Variants in ACOT13 observed in about 807,000 individuals in gnomAD.
ACOT13 encodes the protein acyl-CoA thioesterase 13.
A neutral mutation model predicts 11.8 loss-of-function variants in ACOT13; 10 were observed. That is an observed-to-expected ratio of 0.85 (90% CI 0.53 to 1.44). ACOT13 has a LOEUF of 1.44. Ranked by LOEUF, ACOT13 falls within the 40% of genes most tolerant of loss-of-function variation. The pLI is 0.00. For missense variants in ACOT13, 172 were observed against 174.1 expected (o/e 0.99, Z 0.07); for synonymous variants, 53 against 61.0 (o/e 0.87, Z 0.61).
intron 1 of ACOT13, among the ~76,000 whole-genome samples, chr6:24,673,265 A>C (rs1778390746): frequency 6.6e-6 from 1 of 152,202 alleles, no homozygotes; most frequent in Non-Finnish European, 1.5e-5. Context: ...TTAGACCTTT[A>C]AGACAGTGTG....
In ACOT13 at chr6:24,701,845, AAGTGTTTT is replaced by A; in HGVS notation, c.*232_*239del. 2.4e-6 allele frequency: 1 copy of A among 409,160 alleles called. No homozygotes were observed. Among genetic ancestry groups the A allele is most frequent in the Non-Finnish European group, 4.3e-6 (1 of 230,952 alleles). 25.3% of individuals were successfully genotyped at this position (409,160 alleles called of 1,614,324 possible). A position where few individuals can be genotyped will look rare whatever the true frequency, so the allele number is the denominator to read the frequency against. The stretch of plus-strand genomic sequence containing the variant: ...AATTGGGTGAAAAATTCTTAGCTCA[AAGTGTTTT>A]AAAAACAGGTAAAGCAAAGAAACTA... On this transcript the variant is annotated 3_prime_UTR_variant, in exon 3 of 3. Coordinates refer to ENST00000230048, the MANE Select transcript of ACOT13 (RefSeq NM_018473.4).
At chr6:24,686,331 T>C (rs1778629749) in intron 1 of ACOT13, among the ~76,000 whole-genome samples, 1 of 152,180 alleles carries the variant, frequency 6.6e-6, no homozygotes, top group Admixed American at 6.5e-5. Flanking sequence ...ATACCTGTGT[T>C]AGTCCATTTG....
intron 1 of ACOT13, among the ~76,000 whole-genome samples, chr6:24,679,878 A>G (rs570896041): frequency 6.6e-6 from 1 of 152,328 alleles, no homozygotes; most frequent in East Asian, 1.9e-4. Flanking sequence ...ACCTAGGTCT[A>G]TTTTAATTTG....
rs970268874 is a variant in ACOT13, at chr6:24,704,298, A to G, written c.*2683A>G. ...GGGTAAAGATTACACAACAGCTTTC[A>G]TATTACTCTGGTAACTTTTCTAAAT... On this transcript the variant is annotated 3_prime_UTR_variant, in exon 3 of 3. Transcript: ENST00000230048. 3 of 152,262 alleles carry G rather than the reference A, an allele frequency of 2.0e-5. No homozygotes were observed. The highest frequency in any genetic ancestry group is 4.4e-5 in the Non-Finnish European group (3 of 68,042). The allele number at this position is 152,262 out of a possible 1,614,324, so 9.4% of individuals were successfully genotyped here.
chr6:24,699,380 G>T lies in ACOT13; in HGVS notation c.266+1313G>T, dbSNP rs987107297. The stretch of plus-strand genomic sequence containing the variant: ...GCCTGCCACCATGCCCGACTAATTT[G>T]TTTGTATTTTTAGTAGAGATGGGGT... On this transcript the variant is annotated intron_variant, in intron 2 of 2. Transcript: ENST00000230048. Among the ~76,000 whole-genome samples the T allele has an allele frequency of 2.0e-5, 3 of 151,704 alleles. No homozygotes were observed. The East Asian group carries it at 5.8e-4, about 29-fold the overall frequency.
intron 1 of ACOT13, among the ~76,000 whole-genome samples, chr6:24,681,970 T>G (rs1778559302): frequency 6.6e-6 from 1 of 152,134 alleles, no homozygotes. Context: ...TGCGCCATGA[T>G]CTCAACAGGC....
chr6:24,689,301 G>A (rs1270012055), intron 1 of ACOT13, among the ~76,000 whole-genome samples: 1 of 152,244 alleles, frequency 6.6e-6, no homozygotes, highest in East Asian at 1.9e-4. Flanking sequence ...TTGATAAATT[G>A]TAGTATATTC....
At chr6:24,691,776 T>C (rs964359743) in intron 1 of ACOT13, among the ~76,000 whole-genome samples, 6 of 152,180 alleles carry the variant, frequency 3.9e-5, no homozygotes, top group African/African-American at 1.4e-4. Context: ...TTTAAGCAGA[T>C]GAGTAACATA....
At chr6:24,698,514 T>C (rs1230283899) in intron 2 of ACOT13, among the ~76,000 whole-genome samples, 1 of 151,992 alleles carries the variant, frequency 6.6e-6, no homozygotes, top group East Asian at 1.9e-4. Context: ...AAAATAAATA[T>C]TATTTAATTT....
Position 24,703,858 on chromosome 6 carries a change from G to A in ACOT13, c.*2243G>A, listed in dbSNP as rs1033384951. 6.6e-6 allele frequency: 1 copy of A among 152,178 alleles called. No homozygotes were observed. The highest frequency in any genetic ancestry group is 1.5e-5 in the Non-Finnish European group (1 of 68,036). 9.4% of individuals were successfully genotyped at this position (152,178 alleles called of 1,614,324 possible). On this transcript the variant is annotated 3_prime_UTR_variant, in exon 3 of 3. Coordinates refer to ENST00000230048, the MANE Select transcript of ACOT13 (RefSeq NM_018473.4). ...CAGATGGAGAGTATACTTGAGAAGGGCGTTAAGCATGAATAAACAATTCAA... is the reference window on the plus strand; with the variant it reads ...CAGATGGAGAGTATACTTGAGAAGGACGTTAAGCATGAATAAACAATTCAA...
intron 1 of ACOT13, among the ~76,000 whole-genome samples, chr6:24,673,655 G>A (rs1012478340): frequency 5.9e-5 from 9 of 151,980 alleles, no homozygotes; most frequent in East Asian, 1.9e-4. Context: ...GCCACCATTC[G>A]TAGGCAAATT....
intron 1 of ACOT13, among the ~76,000 whole-genome samples, chr6:24,669,292 G>A (rs184523466): frequency 7.1e-4 from 108 of 152,266 alleles, no homozygotes; most frequent in African/African-American, 2.5e-3. Flanking sequence ...GGTTGGGTTC[G>A]GAAAGGCGGG....
intron 2 of ACOT13, among the ~76,000 whole-genome samples, chr6:24,699,547 T>C (rs1032470296): frequency 6.6e-6 from 1 of 152,216 alleles, no homozygotes; most frequent in African/African-American, 2.4e-5. Context: ...TTTTATCAAG[T>C]TTACTTAAGA....
intron 2 of ACOT13, among the ~76,000 whole-genome samples, chr6:24,698,962 C>G (rs1312347599): frequency 6.6e-6 from 1 of 152,168 alleles, no homozygotes; most frequent in East Asian, 1.9e-4. Flanking sequence ...CAGACATGTT[C>G]TGTGAGTTAA....
At position 24,671,696 on chromosome 6, in the gene ACOT13, A is replaced by C. The variant is rs544402245; in HGVS notation, c.81+4352A>C. 5.8e-4 allele frequency among the ~76,000 whole-genome samples: 89 copies of C among 152,318 alleles called. No homozygotes were observed. The South Asian group carries it at 0.017, about 29-fold the overall frequency. ...ACAACAACAGCAACAACAAAAAAAA[A>C]CACTTTCTAAAGAGGACCAAAACAA... is the stretch of plus-strand genomic sequence containing the variant. On this transcript the variant is annotated intron_variant, in intron 1 of 2. Transcript: ENST00000230048.
intron 1 of ACOT13, among the ~76,000 whole-genome samples, chr6:24,683,966 G>A (rs926002586): frequency 2.0e-5 from 3 of 151,458 alleles, no homozygotes; most frequent in Non-Finnish European, 2.9e-5. Flanking sequence ...TCTTGAGTTA[G>A]TTAACCTAAG....
chr6:24,687,803 C>A, intron 1 of ACOT13: 1 of 1,134,378 alleles, frequency 8.8e-7, no homozygotes. Flanking sequence ...CCTCTGCCTC[C>A]CAGGTTCAAG....
At chr6:24,698,974 C>T (rs1778844297) in intron 2 of ACOT13, among the ~76,000 whole-genome samples, 1 of 152,154 alleles carries the variant, frequency 6.6e-6, no homozygotes, top group African/African-American at 2.4e-5. Flanking sequence ...GTGAGTTAAA[C>T]TACATGATCA....
At chr6:24,685,716 G>A (rs1047693035) in intron 1 of ACOT13, among the ~76,000 whole-genome samples, 7 of 151,848 alleles carry the variant, frequency 4.6e-5, no homozygotes, top group African/African-American at 1.7e-4. Context: ...TTTGCTCCCC[G>A]AGGGACATTG....
Sources: allele counts gnomAD v4.1 joint callset (sites outside exome capture counted in the v4.1 genomes callset), GRCh38; gene constraint gnomAD v4.1.1; transcripts MANE v1.5; gene names NCBI Gene and HGNC (gene_info 2026-07-23, HGNC 2026-07-21).